The following ST3GAL3 variants were observed in gnomAD, a reference collection of about 807,000 sequenced individuals.
The protein encoded by ST3GAL3 is CMP-N-acetylneuraminate-beta-1,4-galactoside alpha-2,3-sialyltransferase.
ST3GAL3 carries 21 observed loss-of-function variants against 50.1 expected under a neutral mutation model. That is an observed-to-expected ratio of 0.42 (90% CI 0.30 to 0.60). ST3GAL3 has a LOEUF of 0.60. Among genes scored for constraint, ST3GAL3 ranks in the 20% least tolerant of loss-of-function variants. ST3GAL3 has a pLI of 0.19. For missense variants in ST3GAL3, 353 were observed against 489.4 expected (o/e 0.72, Z 2.63); for synonymous variants, 183 against 190.0 (o/e 0.96, Z 0.30).
intron 5 of ST3GAL3, among the ~76,000 whole-genome samples, chr1:43,885,742 C>T (rs2075878654): frequency 6.6e-6 from 1 of 152,190 alleles, no homozygotes; most frequent in Non-Finnish European, 1.5e-5. Context: ...TGTTTATAGG[C>T]CCCAGCCCAT....
At chr1:43,904,288 C>A (rs1193837993) in intron 9 of ST3GAL3, among the ~76,000 whole-genome samples, 3 of 152,104 alleles carry the variant, frequency 2.0e-5, no homozygotes, top group African/African-American at 7.2e-5. Flanking sequence ...GCACCTTCAC[C>A]TGTTCCCTGT....
At chr1:43,733,063 C>T (rs1280302134) in intron 1 of ST3GAL3, among the ~76,000 whole-genome samples, 2 of 151,596 alleles carry the variant, frequency 1.3e-5, no homozygotes, top group Non-Finnish European at 2.9e-5. Context: ...ACTGCAGCCT[C>T]GAACTCCTCA....
intron 5 of ST3GAL3, chr1:43,851,417 G>GTCCAGCTTATAGGCCTGCAGGGC: frequency 6.2e-7 from 1 of 1,611,470 alleles, no homozygotes; most frequent in Non-Finnish European, 8.5e-7. Flanking sequence ...AGCACTGTGG[G>GTCCAGCTTATAGGCCTGCAGGGC]TCCAGCTTAT....
At chr1:43,875,640 C>T (rs912979494) in intron 5 of ST3GAL3, among the ~76,000 whole-genome samples, 4 of 152,078 alleles carry the variant, frequency 2.6e-5, no homozygotes, top group Non-Finnish European at 5.9e-5. Context: ...CTCACTCTCT[C>T]CTGCCACCTT....
intron 3 of ST3GAL3, among the ~76,000 whole-genome samples, chr1:43,793,209 CTTTTTA>C (rs1265478840): frequency 2.0e-5 from 3 of 151,994 alleles, no homozygotes; most frequent in Non-Finnish European, 2.9e-5. Flanking sequence ...CTTACAATCG[CTTTTTA>C]TTTTTATTTT....
intron 6 of ST3GAL3, among the ~76,000 whole-genome samples, chr1:43,895,494 C>T (rs541226556): frequency 4.6e-4 from 70 of 152,188 alleles, no homozygotes; most frequent in Non-Finnish European, 8.8e-4. Context: ...TGACCCTGGA[C>T]AAGTTGCCTG....
chr1:43,709,986 G>A (rs987683723), intron 1 of ST3GAL3, among the ~76,000 whole-genome samples: 10 of 151,998 alleles, frequency 6.6e-5, no homozygotes, highest in African/African-American at 1.9e-4. Flanking sequence ...ACCCAGAAGC[G>A]GCACCTCAAG....
chr1:43,858,202 CAG>C, intron 5 of ST3GAL3: 4 of 1,289,368 alleles, frequency 3.1e-6, no homozygotes, highest in Non-Finnish European at 4.0e-6. Context: ...GAGGTGAAGA[CAG>C]AGGATTGTGG....
intron 5 of ST3GAL3, among the ~76,000 whole-genome samples, chr1:43,865,086 G>T (rs570177325): frequency 1.3e-5 from 2 of 150,292 alleles, no homozygotes; most frequent in African/African-American, 4.9e-5. Context: ...GCGCGATCTC[G>T]GCTCACTGCA....
chr1:43,856,906 A>G (rs1301026413), intron 5 of ST3GAL3, among the ~76,000 whole-genome samples: 1 of 151,228 alleles, frequency 6.6e-6, no homozygotes, highest in African/African-American at 2.4e-5. Flanking sequence ...TCCAATTCTC[A>G]TAGGTGGAGC....
At position 43,775,598 on chromosome 1, in the gene ST3GAL3, A is replaced by G. The variant is rs114482159; in HGVS notation, c.119-16504A>G. Among the ~76,000 whole-genome samples, 1,432 of 152,272 alleles carry G rather than the reference A, an allele frequency of 9.4e-3. 27 individuals are homozygous for G. The highest frequency in any genetic ancestry group is 0.034 in the African/African-American group (1,395 of 41,550). On this transcript the variant is annotated intron_variant, in intron 2 of 11. Coordinates refer to ENST00000347631, the MANE Select transcript of ST3GAL3 (RefSeq NM_006279.5). ...TGTTAACAAATTCAGACATTTGCAA[A>G]CACTTCGTGGGCTAAACCTAATACA... is the stretch of plus-strand genomic sequence containing the variant.
chr1:43,722,223 T>C (rs1670833137), intron 1 of ST3GAL3, among the ~76,000 whole-genome samples: 1 of 151,930 alleles, frequency 6.6e-6, no homozygotes, highest in Non-Finnish European at 1.5e-5. Context: ...CTAGATGAAG[T>C]GGTGGGGTCA....
At chr1:43,927,192 G>A (rs1270111301) in intron 11 of ST3GAL3, among the ~76,000 whole-genome samples, 4 of 152,154 alleles carry the variant, frequency 2.6e-5, no homozygotes, top group Non-Finnish European at 5.9e-5. Context: ...GCCAGTGGTG[G>A]TGCGTGCCTG....
chr1:43,845,503 C>A (rs1047792675), intron 5 of ST3GAL3, among the ~76,000 whole-genome samples: 1 of 151,842 alleles, frequency 6.6e-6, no homozygotes, highest in African/African-American at 2.4e-5. Context: ...GCCTGATATT[C>A]GTAATTTGCA....
At chr1:43,888,498 CA>C (rs2076276519) in intron 5 of ST3GAL3, among the ~76,000 whole-genome samples, 1 of 151,502 alleles carries the variant, frequency 6.6e-6, no homozygotes, top group Non-Finnish European at 1.5e-5. Context: ...AATAAATAAA[CA>C]AACAAACAAG....
intron 5 of ST3GAL3, 111 bp from the exon 6 acceptor site, chr1:43,894,272 A>G (rs1010490501): frequency 1.9e-6 from 2 of 1,058,210 alleles, no homozygotes; most frequent in African/African-American, 1.6e-5. Flanking sequence ...GTATGCCGGA[A>G]TGCAGAGGGG....
At chr1:43,756,560 A>G (rs1448245704) in intron 2 of ST3GAL3, among the ~76,000 whole-genome samples, 1 of 151,856 alleles carries the variant, frequency 6.6e-6, no homozygotes, top group Non-Finnish European at 1.5e-5. Flanking sequence ...ACACACACAC[A>G]CACGCACGCA....
intron 3 of ST3GAL3, among the ~76,000 whole-genome samples, chr1:43,805,535 C>T (rs914867009): frequency 2.0e-5 from 3 of 152,156 alleles, no homozygotes; most frequent in East Asian, 3.9e-4. Flanking sequence ...AGATGTTGTT[C>T]GTTCAACATT....
At chr1:43,780,282 C>T (rs1161583677) in intron 2 of ST3GAL3, among the ~76,000 whole-genome samples, 7 of 152,070 alleles carry the variant, frequency 4.6e-5, no homozygotes, top group Non-Finnish European at 8.8e-5. Flanking sequence ...TGGTGTTCCT[C>T]TTGAGGAGTC....
Sources: gnomAD v4.1 joint callset for allele counts (sites outside exome capture counted in the v4.1 genomes callset) on GRCh38, gnomAD v4.1.1 for gene constraint, MANE v1.5 for transcripts, NCBI Gene and HGNC (gene_info 2026-07-23, HGNC 2026-07-21) for gene names.